GTF3C1: variants seen among roughly 807,000 people sequenced by gnomAD.
The protein encoded by GTF3C1 is general transcription factor IIIC subunit 1.
Under a neutral mutation model 226.7 loss-of-function variants are expected in GTF3C1, and 57 were observed. The observed-to-expected ratio is 0.25, with a 90% CI of 0.20 to 0.31. The LOEUF (loss-of-function observed/expected upper bound fraction) is 0.31. Among genes scored for constraint, GTF3C1 ranks in the 10% least tolerant of loss-of-function variants. The pLI is 1.00. For missense variants in GTF3C1, 2,217 were observed against 2,776.1 expected, an observed-to-expected ratio of 0.80 and a Z score of 4.53; for synonymous variants, 1,090 against 1,084.8, an observed-to-expected ratio of 1.00 and a Z score of -0.09.
intron 29 of GTF3C1, among the ~76,000 whole-genome samples, chr16:27,474,996 G>A (rs1204805485): frequency 6.6e-6 from 1 of 152,244 alleles, no homozygotes; most frequent in Admixed American, 6.5e-5. Context: ...GGCCATGGCC[G>A]TTAAAGACTA....
chr16:27,520,806 G>A (rs1415783685), intron 6 of GTF3C1, among the ~76,000 whole-genome samples: 5 of 151,796 alleles, frequency 3.3e-5, no homozygotes, highest in East Asian at 3.9e-4. Flanking sequence ...TGCAACCTCC[G>A]CCTCCCAGTT....
intron 12 of GTF3C1, 43 bp from the exon 13 acceptor site, chr16:27,498,776 C>CCAAGTCTTCCTCAGCTCT: frequency 1.1e-6 from 1 of 913,254 alleles, no homozygotes; most frequent in Non-Finnish European, 1.8e-6. Flanking sequence ...GAGGGAAGAG[C>CCAAGTCTTCCTCAGCTCT]TGAGGAAGAC....
chr16:27,472,038 AG>A, intron 29 of GTF3C1, 118 bp from the exon 30 acceptor site: 1 of 827,538 alleles, frequency 1.2e-6, no homozygotes, highest in Non-Finnish European at 1.9e-6. Flanking sequence ...CGATCGTGGG[AG>A]GCCCAGGCTG....
chr16:27,469,405 GGGA>G lies in GTF3C1; in HGVS notation c.4957_4959del (p.Ser1653del). On this transcript the variant is annotated inframe_deletion, in exon 32 of 37. Transcript: ENST00000356183. The surrounding 1 kb of genome is among the most constrained non-coding windows in gnomAD (Gnocchi z 4.5). ...AGGTTGCGGGTGCTGACGATGCCGGGGGAGTAGTAGCCCCTCATCAGCAGGTAG... is the reference window on the plus strand; with the variant it reads ...AGGTTGCGGGTGCTGACGATGCCGGGGTAGTAGCCCCTCATCAGCAGGTAG... The G allele has an allele frequency of 6.2e-7, 1 of 1,613,996 alleles. No individual in the cohort carries two copies. Among genetic ancestry groups the G allele is most frequent in the Non-Finnish European group, 8.5e-7 (1 of 1,179,928 alleles).
rs371148715 is a variant in GTF3C1, at chr16:27,478,648, A to G, written c.4197-117T>C. The G allele has an allele frequency of 3.8e-6, 3 of 783,184 alleles. No individual in the cohort carries two copies. In the East Asian group the frequency reaches 7.3e-5, roughly 19 times the overall value. 48.5% of individuals were successfully genotyped at this position (783,184 alleles called of 1,614,324 possible). On this transcript the variant is annotated intron_variant, in intron 27 of 36. Coordinates refer to ENST00000356183, the MANE Select transcript of GTF3C1 (RefSeq NM_001520.4). ...AAGTGTTGGGAGTGGGAGAAATGTT[A>G]AACTCACCAAATGTCGAGTGCTGTG...
rs2089252539 is a variant in GTF3C1, at chr16:27,549,798, T to C, written c.93A>G (p.Arg31=). The change falls in exon 1 of 37, where the codon CGA becomes CGG. Residue 31 remains arginine, a synonymous_variant. Coordinates refer to ENST00000356183, the MANE Select transcript of GTF3C1 (RefSeq NM_001520.4). ...CCAAAGGCAGCGGGAAGGGCGGCACTCGCGTCTCCAGCCGGCTCCACAGCG... is the reference window on the plus strand; with the variant it reads ...CCAAAGGCAGCGGGAAGGGCGGCACCCGCGTCTCCAGCCGGCTCCACAGCG... The part of the protein sequence containing the change: ...LPALWSRLET[R]VPPFPLPLEP... 1.9e-6 allele frequency: 3 copies of C among 1,612,862 alleles called. No homozygotes were observed. The highest frequency in any genetic ancestry group is 2.5e-6 in the Non-Finnish European group (3 of 1,179,812).
Position 27,463,442 on chromosome 16 carries a change from A to G in GTF3C1, c.5924+99T>C. 1.3e-6 allele frequency: 1 copy of G among 750,910 alleles called. No homozygotes were observed. The allele number at this position is 750,910 out of a possible 1,614,324, so 46.5% of individuals were successfully genotyped here. A position where few individuals can be genotyped will look rare whatever the true frequency, so the allele number is the denominator to read the frequency against. ...TGCCGGGCAGGCTGTCAGAGCTGGT[A>G]CCTGGGGAAAGACCCTCAAAGACCC... On this transcript the variant is annotated intron_variant, in intron 35 of 36. Coordinates refer to ENST00000356183, the MANE Select transcript of GTF3C1 (RefSeq NM_001520.4). This position sits in a 1 kb window ranked among gnomAD's most constrained non-coding sequence, Gnocchi z 4.9.
rs2087715586 is a variant in GTF3C1 at position 27,462,207 on chromosome 16, T to C, written c.6117+87A>G. The stretch of plus-strand genomic sequence containing the variant: ...AGGCAAGCAGTATGGTGGTACTGCA[T>C]GTTGCCTGGGGCCTGAACATCACAG... On this transcript the variant is annotated intron_variant, in intron 36 of 36. Transcript: ENST00000356183. This position sits in a 1 kb window ranked among gnomAD's most constrained non-coding sequence, Gnocchi z 4.5. 1.1e-6 allele frequency: 1 copy of C among 907,806 alleles called. No homozygotes were observed. Among genetic ancestry groups the C allele is most frequent in the South Asian group, 1.6e-5 (1 of 63,560 alleles). The allele number at this position is 907,806 out of a possible 1,614,324, so 56.2% of individuals were successfully genotyped here.
chr16:27,471,666 G>C lies in GTF3C1; in HGVS notation c.4526+82C>G. ...TCCCTGGCTCCTACACGCTTTCATG[G>C]CCACAGTGCTTCCTTTGCTCCTCTT... On this transcript the variant is annotated intron_variant, in intron 30 of 36. Transcript: ENST00000356183. The surrounding 1 kb of genome is among the most constrained non-coding windows in gnomAD (Gnocchi z 5.0). The C allele has an allele frequency of 8.8e-7, 1 of 1,141,462 alleles. No homozygotes were observed. The highest frequency in any genetic ancestry group is 1.3e-6 in the Non-Finnish European group (1 of 773,726). The allele number at this position is 1,141,462 out of a possible 1,614,324, so 70.7% of individuals were successfully genotyped here.
chr16:27,507,266 G>T lies in GTF3C1; in HGVS notation c.1243-110C>A. 1 of 830,326 alleles carries T rather than the reference G, an allele frequency of 1.2e-6. No individual in the cohort carries two copies. The highest frequency in any genetic ancestry group is 1.9e-6 in the Non-Finnish European group (1 of 529,146). 51.4% of individuals were successfully genotyped at this position (830,326 alleles called of 1,614,324 possible). On this transcript the variant is annotated intron_variant, in intron 8 of 36. Transcript: ENST00000356183. The surrounding 1 kb of genome is among the most constrained non-coding windows in gnomAD (Gnocchi z 4.9). ...TTATTGGCTTTCTTCTGTTTCTCCT[G>T]TCTTACTGCCTGGGCCCTGGGTTGG...
chr16:27,529,690 T>TA (rs1052917343), intron 5 of GTF3C1, among the ~76,000 whole-genome samples: 6 of 152,120 alleles, frequency 3.9e-5, no homozygotes, highest in Non-Finnish European at 8.8e-5. Context: ...GATTTCACAT[T>TA]AAAAAAGACC....
At chr16:27,533,576 A>C (rs562239897) in intron 4 of GTF3C1, among the ~76,000 whole-genome samples, 189 bp from the exon 5 acceptor site, 5 of 152,200 alleles carry the variant, frequency 3.3e-5, no homozygotes, top group African/African-American at 9.7e-5. Flanking sequence ...TGTGGCTGTG[A>C]GAGGTTCTGT....
intron 4 of GTF3C1, 107 bp downstream of exon 4, chr16:27,537,677 T>C (rs1263595097): frequency 1.2e-5 from 9 of 752,002 alleles, no homozygotes; most frequent in South Asian, 3.9e-5. Context: ...CAAAGGGCTA[T>C]GATTACAGGT....
At position 27,486,122 on chromosome 16, in the gene GTF3C1, G is replaced by A. The variant is rs772993464; in HGVS notation, c.3733C>T (p.Arg1245Cys). Residue 1245 changes from arginine to cysteine, a missense_variant, in exon 24 of 37, where the codon CGC becomes TGC. Coordinates refer to ENST00000356183, the MANE Select transcript of GTF3C1 (RefSeq NM_001520.4). ...EFPGEKSKRL[R>C]YHDEADQSAL... is the part of the protein sequence containing the mutation. Reference sequence around the variant, plus strand: ...CTCTGGTCGGCTTCATCATGGTAGCGCAGCCTTTTGCTTTTTTCTCCTGGG... The same window carrying A: ...CTCTGGTCGGCTTCATCATGGTAGCACAGCCTTTTGCTTTTTTCTCCTGGG... 16 of 1,605,394 alleles carry A rather than the reference G, an allele frequency of 1.0e-5. No individual in the cohort carries two copies. Among genetic ancestry groups the A allele is most frequent in the Non-Finnish European group, 1.4e-5 (16 of 1,172,964 alleles).
At chr16:27,482,129 C>A (rs1473500183) in intron 26 of GTF3C1, among the ~76,000 whole-genome samples, 1 of 152,162 alleles carries the variant, frequency 6.6e-6, no homozygotes, top group Non-Finnish European at 1.5e-5. Flanking sequence ...GGGTCTATTG[C>A]AGCCCCTCTC....
At chr16:27,487,335 G>T (rs531220519) in intron 23 of GTF3C1, among the ~76,000 whole-genome samples, 1 of 152,182 alleles carries the variant, frequency 6.6e-6, no homozygotes, top group African/African-American at 2.4e-5. Context: ...GCTACCAGCC[G>T]TCAGTGGCTG....
intron 5 of GTF3C1, among the ~76,000 whole-genome samples, chr16:27,533,002 G>A (rs1740101697): frequency 6.6e-6 from 1 of 152,034 alleles, no homozygotes; most frequent in African/African-American, 2.4e-5. Flanking sequence ...CGTGGTGGCG[G>A]GCACCTGTAA....
Position 27,492,277 on chromosome 16 carries a change from C to A in GTF3C1, c.3151+61G>T. The A allele has an allele frequency of 1.0e-6, 1 of 982,752 alleles. No homozygotes were observed. The highest frequency in any genetic ancestry group is 1.6e-6 in the Non-Finnish European group (1 of 639,150). The allele number at this position is 982,752 out of a possible 1,614,324, so 60.9% of individuals were successfully genotyped here. ...TCCTAGGCTTTTCTAGCCCTAAATC[C>A]CAGTTAGCACACAGAAAGGAGCAAA... On this transcript the variant is annotated intron_variant, in intron 19 of 36. Transcript: ENST00000356183. This position sits in a 1 kb window ranked among gnomAD's most constrained non-coding sequence, Gnocchi z 5.0.
At chr16:27,483,224 G>T (rs1392731899) in intron 25 of GTF3C1, 99 bp from the exon 26 acceptor site, 1 of 1,146,604 alleles carries the variant, frequency 8.7e-7, no homozygotes, top group Non-Finnish European at 1.3e-6. Flanking sequence ...GGCCTTGGCC[G>T]ACCTTGAAGC....
Sources: gnomAD v4.1 joint callset for allele counts (sites outside exome capture counted in the v4.1 genomes callset) on GRCh38, gnomAD v4.1.1 for gene constraint, Gnocchi (gnomAD v3.1) non-coding constraint, MANE v1.5 for transcripts, NCBI Gene and HGNC (gene_info 2026-07-23, HGNC 2026-07-21) for gene names.